SUV39H2: variants seen among roughly 807,000 people sequenced by gnomAD.
The protein encoded by SUV39H2 is SUV39H2 histone lysine methyltransferase.
In SUV39H2, 10 loss-of-function variants were observed where a neutral mutation model predicts 47.5. That is an observed-to-expected ratio of 0.21 (90% CI 0.13 to 0.36). SUV39H2 has a LOEUF of 0.36. SUV39H2 is among the 10% of genes least tolerant of loss of function. The pLI, the probability that SUV39H2 is intolerant of heterozygous loss-of-function variation, is 1.00. For missense variants in SUV39H2, 266 were observed against 487.4 expected (o/e 0.55, Z 4.28); for synonymous variants, 159 against 166.8 (o/e 0.95, Z 0.36).
intron 5 of SUV39H2, among the ~76,000 whole-genome samples, chr10:14,901,708 G>A (rs1834032845): frequency 6.6e-6 from 1 of 152,008 alleles, no homozygotes; most frequent in South Asian, 2.1e-4. Flanking sequence ...GCGTGTGCCT[G>A]TAGTCCCAGC....
At chr10:14,897,564 T>C in intron 3 of SUV39H2, 47 bp downstream of exon 3, 1 of 1,428,512 alleles carries the variant, frequency 7.0e-7, no homozygotes, top group Non-Finnish European at 9.2e-7. Context: ...GCAAGGTTTA[T>C]ACTTTTGGAA....
intron 2 of SUV39H2, among the ~76,000 whole-genome samples, chr10:14,888,880 G>A (rs1443182979): frequency 1.3e-5 from 2 of 152,178 alleles, no homozygotes; most frequent in Non-Finnish European, 2.9e-5. Context: ...TGAGGCAGGC[G>A]GATCACCTGA....
chr10:14,884,948 C>T (rs1338677839), intron 2 of SUV39H2, among the ~76,000 whole-genome samples: 1 of 152,190 alleles, frequency 6.6e-6, no homozygotes, highest in Non-Finnish European at 1.5e-5. Flanking sequence ...CAAAGGCCAG[C>T]GTGGTAATTA....
chr10:14,901,341 A>G (rs1020630576), intron 5 of SUV39H2, 79 bp downstream of exon 5: 1 of 1,569,588 alleles, frequency 6.4e-7, no homozygotes, highest in Non-Finnish European at 8.7e-7. Context: ...GACCTTAGAT[A>G]TTTGAACCAA....
At chr10:14,898,292 C>T (rs769187063) in intron 3 of SUV39H2, 6 of 136,326 alleles carry the variant, frequency 4.4e-5, no homozygotes, top group Admixed American at 8.1e-5. Flanking sequence ...CAAGGTCACA[C>T]AGGTCACATA....
chr10:14,897,487 A>T lies in SUV39H2; in HGVS notation c.819A>T (p.Arg273Ser). 1 of 1,570,174 alleles carries T rather than the reference A, an allele frequency of 6.4e-7. No individual in the cohort carries two copies. Among genetic ancestry groups the T allele is most frequent in the Non-Finnish European group, 8.7e-7 (1 of 1,155,424 alleles). The change falls in exon 3 of 6, where the codon AGA (arginine) becomes AGT (serine). Residue 273 changes from arginine to serine, a missense_variant. Arg to Ser is a moderately radical substitution (Grantham distance 110). Coordinates refer to ENST00000354919, the MANE Select transcript of SUV39H2 (RefSeq NM_001193424.2). ...TAAAGACCCTTGTGAAGATTAAAAG[A>T]ATGAGTTTTGTCATGGAATATGTTG... is the stretch of plus-strand genomic sequence containing the variant. ...WGVKTLVKIK[R>S]MSFVMEYVGE...
chr10:14,884,364 C>T (rs1378613775), intron 2 of SUV39H2, among the ~76,000 whole-genome samples: 2 of 152,138 alleles, frequency 1.3e-5, no homozygotes, highest in Non-Finnish European at 2.9e-5. Flanking sequence ...GATAGTTTTC[C>T]TAGTAGGTTT....
intron 2 of SUV39H2, among the ~76,000 whole-genome samples, chr10:14,886,360 G>A (rs934549400): frequency 6.5e-4 from 99 of 152,300 alleles, no homozygotes; most frequent in African/African-American, 2.3e-3. Flanking sequence ...GTTGATTTAT[G>A]TTCAGGATTT....
chr10:14,881,415 T>C, intron 1 of SUV39H2, 85 bp from the exon 2 acceptor site: 3 of 1,166,724 alleles, frequency 2.6e-6, no homozygotes, highest in Non-Finnish European at 3.3e-6. Flanking sequence ...AGTTGAAAGA[T>C]GGGGAATAGA....
At position 14,902,579 on chromosome 10, in the gene SUV39H2, C is replaced by A; in HGVS notation, c.*67C>A. The A allele has an allele frequency of 1.0e-6, 1 of 992,842 alleles. No homozygotes were observed. Among genetic ancestry groups the A allele is most frequent in the Non-Finnish European group, 1.4e-6 (1 of 694,180 alleles). 61.5% of individuals were successfully genotyped at this position (992,842 alleles called of 1,614,324 possible). On this transcript the variant is annotated 3_prime_UTR_variant, in exon 6 of 6. Coordinates refer to ENST00000354919, the MANE Select transcript of SUV39H2 (RefSeq NM_001193424.2). ...CCTAATGTTAACATTTTTAAAAATACATATTTGGGACTCTTATTATCAAGG... is the reference window on the plus strand; with the variant it reads ...CCTAATGTTAACATTTTTAAAAATAAATATTTGGGACTCTTATTATCAAGG...
chr10:14,896,546 T>G (rs1422723979), intron 2 of SUV39H2, among the ~76,000 whole-genome samples: 1 of 152,242 alleles, frequency 6.6e-6, no homozygotes, highest in Non-Finnish European at 1.5e-5. Context: ...TTAACCTGAA[T>G]CACCATTTAG....
chr10:14,899,409 GTTTGC>G, intron 3 of SUV39H2, 125 bp from the exon 4 acceptor site: 3 of 965,892 alleles, frequency 3.1e-6, no homozygotes, highest in South Asian at 1.6e-5. Context: ...TTGTGTGAAT[GTTTGC>G]TTTGATGACA....
chr10:14,896,248 G>A (rs911084652), intron 2 of SUV39H2, among the ~76,000 whole-genome samples: 4 of 152,094 alleles, frequency 2.6e-5, no homozygotes, highest in African/African-American at 9.7e-5. Context: ...CAGCCTCAGT[G>A]TGTATTATAT....
intron 2 of SUV39H2, among the ~76,000 whole-genome samples, chr10:14,889,256 T>G (rs1474027415): frequency 6.6e-6 from 1 of 152,190 alleles, no homozygotes; most frequent in Non-Finnish European, 1.5e-5. Context: ...AAGACCATTG[T>G]GATAGTAATT....
intron 4 of SUV39H2, 93 bp from the exon 5 acceptor site, chr10:14,901,040 C>T (rs548087990): frequency 4.7e-6 from 7 of 1,493,648 alleles, no homozygotes; most frequent in African/African-American, 4.2e-5. Context: ...GGAACTTAAA[C>T]TAAATCTCTA....
intron 4 of SUV39H2, 94 bp from the exon 5 acceptor site, chr10:14,901,039 A>T: frequency 6.7e-7 from 1 of 1,494,820 alleles, no homozygotes; most frequent in Non-Finnish European, 9.0e-7. Context: ...TGGAACTTAA[A>T]CTAAATCTCT....
At chr10:14,886,295 A>G (rs1047029707) in intron 2 of SUV39H2, among the ~76,000 whole-genome samples, 1 of 152,210 alleles carries the variant, frequency 6.6e-6, no homozygotes, top group African/African-American at 2.4e-5. Flanking sequence ...AGTTCAGTGC[A>G]TAGGTCACCA....
At chr10:14,881,171 A>G (rs887094944) in intron 1 of SUV39H2, among the ~76,000 whole-genome samples, 2 of 152,234 alleles carry the variant, frequency 1.3e-5, no homozygotes, top group Non-Finnish European at 2.9e-5. Context: ...TGAAAGTGAA[A>G]AACATTATCT....
At chr10:14,901,859 A>G (rs1834047021) in intron 5 of SUV39H2, among the ~76,000 whole-genome samples, 1 of 152,102 alleles carries the variant, frequency 6.6e-6, no homozygotes, top group Non-Finnish European at 1.5e-5. Flanking sequence ...ACATTTTTGA[A>G]TTTTTACTGA....
Sources: gnomAD v4.1 joint callset for allele counts (sites outside exome capture counted in the v4.1 genomes callset) on GRCh38, gnomAD v4.1.1 for gene constraint, MANE v1.5 for transcripts, NCBI Gene and HGNC (gene_info 2026-07-23, HGNC 2026-07-21) for gene names.